TVP23C: variants seen among roughly 807,000 people sequenced by gnomAD.
TVP23C encodes Golgi apparatus membrane protein TVP23 homolog C.
A neutral mutation model predicts 28.7 loss-of-function variants in TVP23C; 19 were observed. That is an observed-to-expected ratio of 0.66 (90% CI 0.46 to 0.97). The LOEUF is 0.97. Among genes scored for constraint, TVP23C ranks in the 50% least tolerant of loss-of-function variants. The pLI is 0.00. For synonymous variants in TVP23C, 68 were observed against 81.7 expected (o/e 0.83, Z 0.90); for missense variants, 186 against 241.3 (o/e 0.77, Z 1.52).
intron 5 of TVP23C, among the ~76,000 whole-genome samples, chr17:15,514,559 T>C (rs902046915): frequency 1.3e-5 from 2 of 151,924 alleles, no homozygotes; most frequent in African/African-American, 4.8e-5. Flanking sequence ...AGGAAAAAAA[T>C]GGAAATAAGG....
chr17:15,515,750 T>C (rs1360759690), intron 5 of TVP23C, among the ~76,000 whole-genome samples: 2 of 152,076 alleles, frequency 1.3e-5, no homozygotes, highest in African/African-American at 4.8e-5. Context: ...CCAAATGTCT[T>C]CTGGGTGGAT....
chr17:15,563,298 C>G, intron 1 of TVP23C, 139 bp downstream of exon 1: 1 of 1,466,026 alleles, frequency 6.8e-7, no homozygotes, highest in Non-Finnish European at 9.1e-7. Context: ...GACAACTACC[C>G]ACAGCCCTCC....
chr17:15,548,211 G>A (rs1020494043), intron 3 of TVP23C, among the ~76,000 whole-genome samples: 3 of 152,072 alleles, frequency 2.0e-5, no homozygotes, highest in Admixed American at 1.3e-4. Flanking sequence ...TTGTTGCCCA[G>A]GCTGGCATGC....
rs772877413 is a variant in TVP23C, at chr17:15,563,475, A to G, written c.-27T>C. On this transcript the variant is annotated 5_prime_UTR_variant, in exon 1 of 6. Transcript: ENST00000518321. ...GCGGCCCTACGCCAGCCCTGCTTCC[A>G]GGAGCCACGTCAGCGCAGCAGCGTA... 5.5e-5 allele frequency: 87 copies of G among 1,579,340 alleles called. No individual in the cohort carries two copies. The highest frequency in any genetic ancestry group is 8.1e-5 in the African/African-American group (6 of 74,262).
downstream of TVP23C, among the ~76,000 whole-genome samples, chr17:15,536,231 C>T (rs960417088): frequency 6.6e-6 from 1 of 152,130 alleles, no homozygotes; most frequent in Non-Finnish European, 1.5e-5. Context: ...GGCTACTATA[C>T]CCACAAGATG....
chr17:15,553,977 C>T (rs1423954597), intron 2 of TVP23C, 148 bp from the exon 3 acceptor site: 11 of 1,412,052 alleles, frequency 7.8e-6, no homozygotes, highest in South Asian at 3.9e-5. Context: ...AGCAAACCTC[C>T]TAGCTCTCTT....
intron 3 of TVP23C, among the ~76,000 whole-genome samples, chr17:15,548,747 C>G (rs1983756991): frequency 6.6e-6 from 1 of 151,626 alleles, no homozygotes; most frequent in Non-Finnish European, 1.5e-5. Context: ...GGATACATTC[C>G]AAGACCCCCA....
intron 5 of TVP23C, among the ~76,000 whole-genome samples, chr17:15,510,333 G>A (rs1464203467): frequency 2.0e-5 from 3 of 152,138 alleles, no homozygotes; most frequent in Middle Eastern, 3.2e-3. Flanking sequence ...CAAAGGACAC[G>A]AACAGACACT....
intron 5 of TVP23C, among the ~76,000 whole-genome samples, chr17:15,543,705 T>C (rs989587552): frequency 1.2e-4 from 18 of 151,078 alleles, no homozygotes; most frequent in African/African-American, 3.6e-4. Flanking sequence ...TTATCTACCT[T>C]CCACTAGAAC....
chr17:15,541,715 T>C (rs1983418229), intron 5 of TVP23C, among the ~76,000 whole-genome samples: 2 of 152,224 alleles, frequency 1.3e-5, no homozygotes, highest in South Asian at 2.1e-4. Context: ...CTTTCTGTTC[T>C]AAACTTATGT....
chr17:15,524,063 GGTGTGT>G (rs10578424), intron 5 of TVP23C, among the ~76,000 whole-genome samples: 3,317 of 136,290 alleles, frequency 0.024, 67 homozygotes, highest in East Asian at 0.11. Flanking sequence ...AGCAGAGTGG[GGTGTGT>G]GTGTGTGTGT....
intron 5 of TVP23C, among the ~76,000 whole-genome samples, chr17:15,505,114 G>T (rs1981665419): frequency 6.6e-6 from 1 of 152,142 alleles, no homozygotes; most frequent in Non-Finnish European, 1.5e-5. Context: ...CAGCCATGGG[G>T]CTATAGTCCT....
At chr17:15,557,430 T>C (rs1298559904) in intron 1 of TVP23C, among the ~76,000 whole-genome samples, 1 of 147,258 alleles carries the variant, frequency 6.8e-6, no homozygotes, top group Non-Finnish European at 1.5e-5. Flanking sequence ...GTAACTGGGA[T>C]TACAGGAGTG....
At chr17:15,553,075 G>A (rs1050176307) in intron 3 of TVP23C, among the ~76,000 whole-genome samples, 20 of 148,882 alleles carry the variant, frequency 1.3e-4, no homozygotes, top group Non-Finnish European at 2.4e-4. Context: ...TGTTGCAGAG[G>A]GGCCGTCCTG....
At chr17:15,509,545 C>CA (rs1870087841) in intron 5 of TVP23C, among the ~76,000 whole-genome samples, 2 of 152,222 alleles carry the variant, frequency 1.3e-5, no homozygotes, top group South Asian at 4.1e-4. Context: ...AATGCCCTTC[C>CA]ATCCTTCCTC....
intron 5 of TVP23C, among the ~76,000 whole-genome samples, chr17:15,529,377 G>T (rs1317381942): frequency 6.6e-6 from 1 of 152,094 alleles, no homozygotes; most frequent in African/African-American, 2.4e-5. Flanking sequence ...GCTTGAACCT[G>T]GGAGCTGGGG....
intron 5 of TVP23C, among the ~76,000 whole-genome samples, chr17:15,509,011 A>C (rs1190366385): frequency 6.6e-6 from 1 of 152,246 alleles, no homozygotes; most frequent in Non-Finnish European, 1.5e-5. Context: ...TTTTAGATTT[A>C]CATGAAGGCA....
chr17:15,515,895 G>A (rs930119288), intron 5 of TVP23C, among the ~76,000 whole-genome samples: 4 of 152,124 alleles, frequency 2.6e-5, no homozygotes, highest in Non-Finnish European at 5.9e-5. Flanking sequence ...GATCATGGGG[G>A]TGGCTTCTCA....
chr17:15,513,729 G>C (rs1255845670), intron 5 of TVP23C, among the ~76,000 whole-genome samples: 1 of 152,196 alleles, frequency 6.6e-6, no homozygotes, highest in African/African-American at 2.4e-5. Flanking sequence ...AGCAAGACAT[G>C]AGCAGCAGAT....
Sources: gnomAD v4.1 joint callset for allele counts (sites outside exome capture counted in the v4.1 genomes callset) on GRCh38, gnomAD v4.1.1 for gene constraint, MANE v1.5 for transcripts, NCBI Gene and HGNC (gene_info 2026-07-23, HGNC 2026-07-21) for gene names.